AMPH: variants seen among roughly 807,000 people sequenced by gnomAD.
The protein encoded by AMPH is amphiphysin.
In AMPH, 49 loss-of-function variants were observed where a neutral mutation model predicts 99.1. The ratio of observed to expected loss-of-function variants is 0.49; its 90% confidence interval spans 0.39 to 0.63. The LOEUF (loss-of-function observed/expected upper bound fraction) is 0.63. Among genes scored for constraint, AMPH ranks in the 20% least tolerant of loss-of-function variants. The probability of loss-of-function intolerance (pLI) is 0.00; values close to 1 mark genes in which losing one functional copy is unlikely to be tolerated. For synonymous variants in AMPH, 314 were observed against 317.3 expected (o/e 0.99, Z 0.11); for missense variants, 759 against 863.4 (o/e 0.88, Z 1.52).
At chr7:38,512,228 A>G (rs1789567831) in intron 2 of AMPH, among the ~76,000 whole-genome samples, 1 of 152,212 alleles carries the variant, frequency 6.6e-6, no homozygotes, top group African/African-American at 2.4e-5. Flanking sequence ...CAATGGCAAA[A>G]TCCATGTTGG....
At chr7:38,539,039 G>A (rs1171110403) in intron 1 of AMPH, among the ~76,000 whole-genome samples, 6 of 152,202 alleles carry the variant, frequency 3.9e-5, no homozygotes, top group South Asian at 4.1e-4. Context: ...AGAAAGAAGT[G>A]AGCTGAAGAC....
chr7:38,532,211 T>C (rs3800797), intron 2 of AMPH, among the ~76,000 whole-genome samples: 92,961 of 151,898 alleles, frequency 0.61, 29,113 homozygotes, highest in African/African-American at 0.75. Flanking sequence ...CCTTGTCTCT[T>C]CTAATATACA....
intron 7 of AMPH, among the ~76,000 whole-genome samples, chr7:38,473,346 T>C (rs1274263581): frequency 6.6e-6 from 1 of 152,186 alleles, no homozygotes; most frequent in Non-Finnish European, 1.5e-5. Flanking sequence ...GTTGAGATGA[T>C]GAGTATCTTA....
chr7:38,620,125 A>G (rs1261156440), intron 1 of AMPH, among the ~76,000 whole-genome samples: 1 of 152,068 alleles, frequency 6.6e-6, no homozygotes, highest in Non-Finnish European at 1.5e-5. Flanking sequence ...CTAATTTAGG[A>G]TTCCTTCCAA....
intron 20 of AMPH, among the ~76,000 whole-genome samples, chr7:38,388,560 T>C (rs916442844): frequency 5.3e-5 from 8 of 152,040 alleles, no homozygotes; most frequent in African/African-American, 1.9e-4. Context: ...CACACTATGA[T>C]TTATTTGACC....
chr7:38,575,661 C>A (rs371023944), intron 1 of AMPH, among the ~76,000 whole-genome samples: 1 of 152,138 alleles, frequency 6.6e-6, no homozygotes, highest in African/African-American at 2.4e-5. Flanking sequence ...TTATAAGTGT[C>A]CTGAGGCCTC....
intron 15 of AMPH, among the ~76,000 whole-genome samples, chr7:38,426,598 G>C (rs1314333260): frequency 1.3e-5 from 2 of 152,166 alleles, no homozygotes; most frequent in African/African-American, 4.8e-5. Flanking sequence ...GCTGAATCCA[G>C]TGGATCTCTC....
chr7:38,482,321 A>G (rs1788317340), intron 5 of AMPH, among the ~76,000 whole-genome samples: 1 of 152,142 alleles, frequency 6.6e-6, no homozygotes, highest in African/African-American at 2.4e-5. Flanking sequence ...CAAAAGATCT[A>G]GATGATATTG....
At chr7:38,436,648 C>G (rs1433844268) in intron 11 of AMPH, among the ~76,000 whole-genome samples, 1 of 152,100 alleles carries the variant, frequency 6.6e-6, no homozygotes, top group Non-Finnish European at 1.5e-5. Flanking sequence ...TTGTCTAGCT[C>G]CAAGTCCAGT....
intron 1 of AMPH, among the ~76,000 whole-genome samples, chr7:38,606,562 TTCTC>T (rs1227459948): frequency 7.7e-6 from 1 of 130,212 alleles, no homozygotes; most frequent in South Asian, 2.5e-4. Context: ...CAGAACGTCA[TTCTC>T]TTTTTTTTTT....
At chr7:38,536,857 C>T (rs1790625083) in intron 1 of AMPH, among the ~76,000 whole-genome samples, 2 of 151,730 alleles carry the variant, frequency 1.3e-5, no homozygotes, top group Non-Finnish European at 2.9e-5. Flanking sequence ...AAGAATAGGG[C>T]ATTATAACTA....
intron 17 of AMPH, among the ~76,000 whole-genome samples, chr7:38,405,652 CTA>C (rs765672630): frequency 8.6e-5 from 13 of 151,136 alleles, no homozygotes; most frequent in African/African-American, 2.2e-4. Context: ...TTTAACTATC[CTA>C]TATATATATA....
At chr7:38,537,389 T>C (rs6949159) in intron 1 of AMPH, among the ~76,000 whole-genome samples, 12,660 of 151,908 alleles carry the variant, frequency 0.083, 722 homozygotes, top group Middle Eastern at 0.19. Flanking sequence ...ATAAATAATA[T>C]CTATTATTAT....
intron 15 of AMPH, among the ~76,000 whole-genome samples, chr7:38,425,009 A>G (rs1417225403): frequency 6.6e-6 from 1 of 152,244 alleles, no homozygotes; most frequent in Non-Finnish European, 1.5e-5. Flanking sequence ...AGCTTCGAAT[A>G]TAATACCCAA....
At chr7:38,478,421 C>T (rs1051776502) in intron 5 of AMPH, among the ~76,000 whole-genome samples, 1 of 152,142 alleles carries the variant, frequency 6.6e-6, no homozygotes, top group South Asian at 2.1e-4. Flanking sequence ...AAAATAAAGA[C>T]CCAATGCAGC....
At chr7:38,472,800 T>C (rs1226548670) in intron 7 of AMPH, among the ~76,000 whole-genome samples, 1 of 152,234 alleles carries the variant, frequency 6.6e-6, no homozygotes, top group African/African-American at 2.4e-5. Context: ...TTGAAACATT[T>C]ATACTGCGTA....
chr7:38,539,329 A>G (rs1790725488), intron 1 of AMPH, among the ~76,000 whole-genome samples: 1 of 152,174 alleles, frequency 6.6e-6, no homozygotes, highest in African/African-American at 2.4e-5. Flanking sequence ...GGAGGAGAGG[A>G]ATCAGAAGAG....
At chr7:38,428,581 G>C in intron 14 of AMPH, 1 of 456,608 alleles carries the variant, frequency 2.2e-6, no homozygotes, top group Non-Finnish European at 4.4e-6. Flanking sequence ...TCATGGTTGG[G>C]AGTGTCTATT....
At chr7:38,445,745 G>A (rs1352231068) in intron 11 of AMPH, among the ~76,000 whole-genome samples, 4 of 152,106 alleles carry the variant, frequency 2.6e-5, no homozygotes, top group Non-Finnish European at 5.9e-5. Context: ...AACACTAACC[G>A]ATACGGTTTG....
Sources: allele counts gnomAD v4.1 joint callset (sites outside exome capture counted in the v4.1 genomes callset), GRCh38; gene constraint gnomAD v4.1.1; transcripts MANE v1.5; gene names NCBI Gene and HGNC (gene_info 2026-07-23, HGNC 2026-07-21).